Variants in PUM1 observed in about 807,000 individuals in gnomAD.
PUM1 encodes the protein pumilio RNA binding family member 1.
A neutral mutation model predicts 131.8 loss-of-function variants in PUM1; 13 were observed. The observed-to-expected ratio is 0.10, with a 90% CI of 0.06 to 0.16. The LOEUF (loss-of-function observed/expected upper bound fraction) is 0.16. Among genes scored for constraint, PUM1 ranks in the 10% least tolerant of loss-of-function variants. The probability of loss-of-function intolerance (pLI) is 1.00; values close to 1 mark genes in which losing one functional copy is unlikely to be tolerated. For missense variants in PUM1, 961 were observed against 1,512.4 expected (o/e 0.64, Z 6.05); for synonymous variants, 509 against 556.5 (o/e 0.91, Z 1.20).
chr1:31,006,524 C>T (rs976580225), intron 4 of PUM1, among the ~76,000 whole-genome samples: 57 of 152,128 alleles, frequency 3.7e-4, no homozygotes, highest in Non-Finnish European at 7.9e-4. Flanking sequence ...GTGTGTCTGC[C>T]TCTATAAGTT....
At chr1:30,990,810 C>T (rs1185493920) in intron 7 of PUM1, among the ~76,000 whole-genome samples, 1 of 152,176 alleles carries the variant, frequency 6.6e-6, no homozygotes, top group African/African-American at 2.4e-5. Context: ...AACCTGAATC[C>T]AACAAGAGAT....
chr1:31,055,395 T>G (rs1480607750), intron 2 of PUM1: 1 of 456,200 alleles, frequency 2.2e-6, no homozygotes, highest in Non-Finnish European at 4.4e-6. Flanking sequence ...AAAAGGGGCA[T>G]GAAAAACACA....
chr1:30,991,882 T>C (rs754852547), intron 7 of PUM1, among the ~76,000 whole-genome samples: 2 of 152,228 alleles, frequency 1.3e-5, no homozygotes, highest in Non-Finnish European at 2.9e-5. Flanking sequence ...TTTGTGTGTG[T>C]GGTTTCCTCT....
Position 30,980,113 on chromosome 1 carries a change from G to T in PUM1, c.1303C>A (p.Pro435Thr). The T allele has an allele frequency of 6.2e-7, 1 of 1,614,004 alleles. No individual in the cohort carries two copies. ...GCTGTGTAGGGGTCCGTCCCTGGGG[G>T]AGCAGCGCTGATGATGTATGGATTG... The part of the protein sequence containing the change: ...VPNPYIISAA[P>T]PGTDPYTAGL... The change falls in exon 9 of 22, where the codon CCC (proline) becomes ACC (threonine). Residue 435 changes from proline (P) to threonine (T), a missense_variant. By Grantham distance (38) the Pro-to-Thr change is conservative. Transcript: ENST00000426105.
At chr1:30,993,676 T>C (rs1641881895) in intron 6 of PUM1, among the ~76,000 whole-genome samples, 1 of 152,138 alleles carries the variant, frequency 6.6e-6, no homozygotes, top group South Asian at 2.1e-4. Flanking sequence ...AACAAAATAC[T>C]GCTACAGGCT....
chr1:30,968,633 G>A (rs535945928), intron 10 of PUM1, 141 bp from the exon 11 acceptor site: 49 of 767,896 alleles, frequency 6.4e-5, no homozygotes, highest in Admixed American at 3.8e-4. Context: ...AGCTGTTAGC[G>A]TATAAATTCA....
intron 7 of PUM1, among the ~76,000 whole-genome samples, chr1:30,983,502 A>C (rs913945447): frequency 2.0e-5 from 3 of 152,188 alleles, no homozygotes; most frequent in Admixed American, 6.5e-5. Context: ...TGGGGAAAAA[A>C]AGACAGTATG....
rs1038730714 is a variant in PUM1 at position 30,932,538 on chromosome 1, G to C, written c.*673C>G. The stretch of plus-strand genomic sequence containing the variant: ...TGCTCGCATCTCCTCCTCACGAACA[G>C]CCTTCTTCAGCATAATATAGTCTCC... On this transcript the variant is annotated 3_prime_UTR_variant, in exon 22 of 22. Transcript: ENST00000426105. The C allele has an allele frequency of 6.6e-6, 1 of 151,354 alleles. No homozygotes were observed. The highest frequency in any genetic ancestry group is 1.5e-5 in the Non-Finnish European group (1 of 67,914). 9.4% of individuals were successfully genotyped at this position (151,354 alleles called of 1,614,324 possible).
chr1:30,963,813 C>G (rs1268565657), intron 14 of PUM1, among the ~76,000 whole-genome samples: 1 of 152,206 alleles, frequency 6.6e-6, no homozygotes, highest in African/African-American at 2.4e-5. Context: ...CCCCCTTCCA[C>G]TCACAAAAGT....
At chr1:30,942,840 C>G (rs1268751982) in intron 18 of PUM1, among the ~76,000 whole-genome samples, 2 of 152,196 alleles carry the variant, frequency 1.3e-5, no homozygotes, top group African/African-American at 2.4e-5. Flanking sequence ...CAGCCTTGAG[C>G]TCTTGCACTC....
Position 31,046,490 on chromosome 1 carries a change from T to A in PUM1, c.363+12714A>T, listed in dbSNP as rs920291467. The stretch of plus-strand genomic sequence containing the variant: ...TAATAACTGCAGCGGGGTTTTTGGG[T>A]TTTTTTTTTTTGTTTTTTTGGTTTT... On this transcript the variant is annotated intron_variant, in intron 2 of 21. Coordinates refer to ENST00000426105, the MANE Select transcript of PUM1 (RefSeq NM_001020658.2). Among the ~76,000 whole-genome samples the A allele has an allele frequency of 1.1e-4, 3 of 27,412 alleles. No individual in the cohort carries two copies. The South Asian group carries it at 5.0e-3, about 46-fold the overall frequency. 18.0% of individuals were successfully genotyped at this position (27,412 alleles called of 152,430 possible). A position where few individuals can be genotyped will look rare whatever the true frequency, so the allele number is the denominator to read the frequency against.
chr1:30,962,154 T>G (rs929009918), intron 14 of PUM1, among the ~76,000 whole-genome samples: 2 of 152,204 alleles, frequency 1.3e-5, no homozygotes, highest in Non-Finnish European at 2.9e-5. Flanking sequence ...AGTGCAAATG[T>G]ACACTAAAAA....
intron 2 of PUM1, among the ~76,000 whole-genome samples, chr1:31,033,810 T>C (rs1332605650): frequency 1.3e-5 from 2 of 152,112 alleles, no homozygotes; most frequent in African/African-American, 4.8e-5. Context: ...ACCCAGCTAA[T>C]TGTTTTTAAT....
Position 30,974,708 on chromosome 1 carries a change from T to TGCAGCG in PUM1, c.1443_1448dup (p.Ala483_Ala484dup), listed in dbSNP as rs750528298. ...TCTGTTGATTAGCTGAATTAGTTGC[T>TGCAGCG]GCAGCGGCAGCGGCAGCTTGCTGCT... On this transcript the variant is annotated inframe_insertion, in exon 10 of 22. Coordinates refer to ENST00000426105, the MANE Select transcript of PUM1 (RefSeq NM_001020658.2). The TGCAGCG allele has an allele frequency of 1.5e-5, 24 of 1,611,528 alleles. No homozygotes were observed. The highest frequency in any genetic ancestry group is 1.5e-4 in the African/African-American group (11 of 74,882).
At chr1:30,987,195 A>ATTTTTT (rs35752234) in intron 7 of PUM1, among the ~76,000 whole-genome samples, 1 of 140,890 alleles carries the variant, frequency 7.1e-6, no homozygotes, top group Non-Finnish European at 1.5e-5. Flanking sequence ...CTAGTAACAA[A>ATTTTTT]TTTTTTTTTT....
At chr1:30,974,518 C>A (rs1380590803) in intron 10 of PUM1, 133 bp downstream of exon 10, 14 of 869,458 alleles carry the variant, frequency 1.6e-5, no homozygotes, top group Non-Finnish European at 2.4e-5. Flanking sequence ...AGCCTGAACT[C>A]AGACACACAT....
At chr1:30,961,217 A>T (rs1263742555) in intron 14 of PUM1, among the ~76,000 whole-genome samples, 1 of 151,778 alleles carries the variant, frequency 6.6e-6, no homozygotes, top group Non-Finnish European at 1.5e-5. Flanking sequence ...AATAAAATAA[A>T]GAAAAAAAGG....
In PUM1 at chr1:31,046,723, G is replaced by A. The variant is rs564237120; in HGVS notation, c.363+12481C>T. ...CTAACCTCGTGATCCACCCACCTCC[G>A]TCTCCCAAAGTGCTGGGATTACAGG... On this transcript the variant is annotated intron_variant, in intron 2 of 21. Transcript: ENST00000426105. Among the ~76,000 whole-genome samples the A allele has an allele frequency of 9.2e-5, 14 of 151,840 alleles. No homozygotes were observed. In the South Asian group the frequency reaches 2.1e-3, roughly 23 times the overall value.
chr1:30,967,077 C>T lies in PUM1; in HGVS notation c.1789+90G>A, dbSNP rs1256060438. 6.6e-6 allele frequency: 10 copies of T among 1,521,800 alleles called. No individual in the cohort carries two copies. In the East Asian group the frequency reaches 2.1e-4, roughly 31 times the overall value. 94.3% of individuals were successfully genotyped at this position (1,521,800 alleles called of 1,614,324 possible). ...GGTAGAACCGATATACTGAGAATTG[C>T]CAAAAGTTTATTTCAACATACTTTA... is the stretch of plus-strand genomic sequence containing the variant. On this transcript the variant is annotated intron_variant, in intron 12 of 21. Coordinates refer to ENST00000426105, the MANE Select transcript of PUM1 (RefSeq NM_001020658.2).
Sources: allele counts gnomAD v4.1 joint callset (sites outside exome capture counted in the v4.1 genomes callset), GRCh38; gene constraint gnomAD v4.1.1; transcripts MANE v1.5; gene names NCBI Gene and HGNC (gene_info 2026-07-23, HGNC 2026-07-21).